The following RIMS2 variants were observed in gnomAD, a reference collection of about 807,000 sequenced individuals.
The protein encoded by RIMS2 is regulating synaptic membrane exocytosis 2.
RIMS2 carries 59 observed loss-of-function variants against 174.4 expected under a neutral mutation model. The ratio of observed to expected loss-of-function variants is 0.34; its 90% confidence interval spans 0.27 to 0.42. The LOEUF is 0.42. Among genes scored for constraint, RIMS2 ranks in the 10% least tolerant of loss-of-function variants. The probability of loss-of-function intolerance (pLI) is 1.00; values close to 1 mark genes in which losing one functional copy is unlikely to be tolerated. For missense variants in RIMS2, 1,620 were observed against 1,666.3 expected (o/e 0.97, Z 0.48); for synonymous variants, 606 against 572.5 (o/e 1.06, Z -0.84).
chr8:103,895,097 A>G (rs2099269765), intron 4 of RIMS2, among the ~76,000 whole-genome samples: 1 of 151,192 alleles, frequency 6.6e-6, no homozygotes, highest in Admixed American at 6.6e-5. Context: ...TCACTTTTTA[A>G]GCAATACAAT....
At chr8:103,844,465 T>A (rs1168158636) in intron 3 of RIMS2, among the ~76,000 whole-genome samples, 1 of 152,202 alleles carries the variant, frequency 6.6e-6, no homozygotes, top group Non-Finnish European at 1.5e-5. Flanking sequence ...ATATGGTTCA[T>A]GACTGTTGAA....
At chr8:103,691,381 T>C (rs2097022880) in intron 1 of RIMS2, among the ~76,000 whole-genome samples, 1 of 152,202 alleles carries the variant, frequency 6.6e-6, no homozygotes, top group East Asian at 1.9e-4. Context: ...CTTGTTCTTT[T>C]TTTCCTCTTC....
At chr8:104,088,117 TTTTA>T (rs2097568511) in intron 19 of RIMS2, among the ~76,000 whole-genome samples, 1 of 152,048 alleles carries the variant, frequency 6.6e-6, no homozygotes. Context: ...TGCAATTTAT[TTTTA>T]TTTATTTTTT....
chr8:104,124,448 A>G (rs190101480), intron 19 of RIMS2, among the ~76,000 whole-genome samples: 30 of 152,236 alleles, frequency 2.0e-4, no homozygotes, highest in East Asian at 3.9e-4. Flanking sequence ...TTCTCACTCA[A>G]TGTCACTTTT....
At chr8:103,521,450 G>A (rs1043342930) in intron 1 of RIMS2, among the ~76,000 whole-genome samples, 23 of 151,324 alleles carry the variant, frequency 1.5e-4, no homozygotes, top group African/African-American at 5.1e-4. Context: ...TTTATATTTT[G>A]CTTATTTATT....
At chr8:104,188,432 G>A (rs1220014558) in intron 19 of RIMS2, among the ~76,000 whole-genome samples, 1 of 151,452 alleles carries the variant, frequency 6.6e-6, no homozygotes, top group Non-Finnish European at 1.5e-5. Context: ...TTCAAAAAGA[G>A]TATAATAAAC....
intron 4 of RIMS2, among the ~76,000 whole-genome samples, chr8:103,904,983 G>A (rs1594879788): frequency 1.3e-5 from 2 of 151,882 alleles, no homozygotes; most frequent in African/African-American, 4.8e-5. Flanking sequence ...TATTGGTGCT[G>A]ACGTTTAACT....
At chr8:104,107,469 A>G (rs1208880557) in intron 19 of RIMS2, among the ~76,000 whole-genome samples, 3 of 152,178 alleles carry the variant, frequency 2.0e-5, no homozygotes, top group Admixed American at 6.5e-5. Context: ...CCCAGTATCT[A>G]CAATATTTCA....
chr8:104,079,749 A>G (rs891876772), intron 19 of RIMS2, among the ~76,000 whole-genome samples: 1 of 150,892 alleles, frequency 6.6e-6, no homozygotes, highest in East Asian at 1.9e-4. Context: ...TATATGTGGA[A>G]TATTTATGTC....
At chr8:103,701,757 A>G (rs2097170570) in intron 2 of RIMS2, among the ~76,000 whole-genome samples, 1 of 152,128 alleles carries the variant, frequency 6.6e-6, no homozygotes, top group Non-Finnish European at 1.5e-5. Flanking sequence ...ACTGCAAATG[A>G]CAGAATTTTA....
chr8:103,866,560 C>T (rs532314045), intron 3 of RIMS2, among the ~76,000 whole-genome samples: 96 of 152,160 alleles, frequency 6.3e-4, no homozygotes, highest in African/African-American at 2.2e-3. Flanking sequence ...ACAGTCATTT[C>T]TCTTCAGAGA....
intron 9 of RIMS2, 79 bp downstream of exon 12, chr8:103,918,566 A>C (rs977303074): frequency 7.4e-6 from 7 of 947,620 alleles, no homozygotes; most frequent in Non-Finnish European, 1.2e-5. Context: ...TTAACTAGTA[A>C]TGTGAAGTAA....
At chr8:103,610,504 C>G (rs1181260713) in intron 1 of RIMS2, among the ~76,000 whole-genome samples, 1 of 152,084 alleles carries the variant, frequency 6.6e-6, no homozygotes, top group African/African-American at 2.4e-5. Context: ...ACGTATGTTC[C>G]TTCAGTGCCT....
At chr8:104,166,059 CTTTTTTTT>C (rs560648211) in intron 19 of RIMS2, among the ~76,000 whole-genome samples, 1 of 97,852 alleles carries the variant, frequency 1.0e-5, no homozygotes, top group Non-Finnish European at 2.0e-5. Context: ...TTTTGGATTT[CTTTTTTTT>C]TTTTTTTTTT....
intron 1 of RIMS2, among the ~76,000 whole-genome samples, chr8:103,553,648 T>G (rs1205411266): frequency 6.6e-6 from 1 of 152,084 alleles, no homozygotes; most frequent in Non-Finnish European, 1.5e-5. Context: ...ACAGATTCAG[T>G]GCTATTCCTA....
At chr8:103,906,104 A>G (rs1205013471) in intron 4 of RIMS2, among the ~76,000 whole-genome samples, 1 of 152,222 alleles carries the variant, frequency 6.6e-6, no homozygotes, top group Non-Finnish European at 1.5e-5. Context: ...TAGGTCTATA[A>G]TAATAGTCTT....
intron 3 of RIMS2, among the ~76,000 whole-genome samples, chr8:103,793,087 C>A (rs2098515888): frequency 6.6e-6 from 1 of 152,122 alleles, no homozygotes; most frequent in Non-Finnish European, 1.5e-5. Context: ...TTGTATGAAG[C>A]CAGCATCATT....
At chr8:104,114,641 T>C (rs1475780431) in intron 19 of RIMS2, among the ~76,000 whole-genome samples, 3 of 151,978 alleles carry the variant, frequency 2.0e-5, no homozygotes, top group Non-Finnish European at 2.9e-5. Flanking sequence ...AATATTTCTG[T>C]TAGCCAAAGT....
chr8:103,954,987 C>G (rs1256856530), intron 14 of RIMS2, among the ~76,000 whole-genome samples: 2 of 152,178 alleles, frequency 1.3e-5, no homozygotes, highest in East Asian at 3.9e-4. Context: ...TGCAAACAAA[C>G]TAGAAAATCT....
Sources: gnomAD v4.1 joint callset for allele counts (sites outside exome capture counted in the v4.1 genomes callset) on GRCh38, gnomAD v4.1.1 for gene constraint, MANE v1.5 for transcripts, NCBI Gene and HGNC (gene_info 2026-07-23, HGNC 2026-07-21) for gene names.